The following PROB1 variants were observed in gnomAD, a reference collection of about 807,000 sequenced individuals.
PROB1 encodes the protein proline-rich basic protein 1.
For missense variants in PROB1, 1,453 were observed against 1,485.7 expected, an observed-to-expected ratio of 0.98 and a Z score of 0.36; for synonymous variants, 660 against 699.3, an observed-to-expected ratio of 0.94 and a Z score of 0.89.
At position 139,391,634 on chromosome 5, in the gene PROB1, G is replaced by T; in HGVS notation, c.*400C>A. 5.9e-6 allele frequency: 1 copy of T among 169,642 alleles called. No individual in the cohort carries two copies. Among genetic ancestry groups the T allele is most frequent in the Non-Finnish European group, 1.2e-5 (1 of 80,100 alleles). The allele number at this position is 169,642 out of a possible 1,614,324, so 10.5% of individuals were successfully genotyped here. A position where few individuals can be genotyped will look rare whatever the true frequency, so the allele number is the denominator to read the frequency against. On this transcript the variant is annotated 3_prime_UTR_variant, in exon 1 of 1. Coordinates refer to ENST00000434752, the MANE Select transcript of PROB1 (RefSeq NM_001161546.2). This position sits in a 1 kb window ranked among gnomAD's most constrained non-coding sequence, Gnocchi z 4.8. ...GGGAGGGCAGACAGTTCCCCGCCCT[G>T]TCTCCTGCTGCTCCCGTTCCTGCTG...
rs1357530888 is a variant in PROB1, at chr5:139,392,389, C to T, written c.2693G>A (p.Arg898Gln). 7 of 1,518,230 alleles carry T rather than the reference C, an allele frequency of 4.6e-6. No individual in the cohort carries two copies. In the South Asian group the frequency reaches 7.4e-5, roughly 16 times the overall value. The allele number at this position is 1,518,230 out of a possible 1,614,324, so 94.0% of individuals were successfully genotyped here. ...SGRYYFVEAP[R>Q]QPRLRVLFDP... ...GAAGAGCACCCGCAGCCGAGGCTGCCGCGGCGCCTCCACAAAGTAGTAGCG... is the reference window on the plus strand; with the variant it reads ...GAAGAGCACCCGCAGCCGAGGCTGCTGCGGCGCCTCCACAAAGTAGTAGCG... Residue 898 changes from arginine to glutamine, a missense_variant, in exon 1 of 1, where the codon CGG (arginine) becomes CAG (glutamine). By Grantham distance (43) the Arg-to-Gln change is conservative. Coordinates refer to ENST00000434752, the MANE Select transcript of PROB1 (RefSeq NM_001161546.2). This position sits in a 1 kb window ranked among gnomAD's most constrained non-coding sequence, Gnocchi z 5.8.
At position 139,393,118 on chromosome 5, in the gene PROB1, G is replaced by A. The variant is rs905253446; in HGVS notation, c.1964C>T (p.Pro655Leu). The change falls in exon 1 of 1, where the codon CCC becomes CTC. Residue 655 changes from proline (P) to leucine (L), a missense_variant. Transcript: ENST00000434752. The part of the protein sequence containing the change: ...GSGLPAPPAD[P>L]CGEEGGESKT... ...GGATTCGCCGCCCTCCTCCCCGCAG[G>A]GGTCGGCAGGAGGCGCAGGCAGCCC... 1.3e-6 allele frequency: 2 copies of A among 1,528,612 alleles called. No individual in the cohort carries two copies. Among genetic ancestry groups the A allele is most frequent in the South Asian group, 1.2e-5 (1 of 81,482 alleles). The allele number at this position is 1,528,612 out of a possible 1,614,324, so 94.7% of individuals were successfully genotyped here. A position where few individuals can be genotyped will look rare whatever the true frequency, so the allele number is the denominator to read the frequency against.
chr5:139,392,820 G>C lies in PROB1; in HGVS notation c.2262C>G (p.Arg754=). The C allele has an allele frequency of 6.6e-7, 1 of 1,518,644 alleles. No homozygotes were observed. Among genetic ancestry groups the C allele is most frequent in the Admixed American group, 2.2e-5 (1 of 46,112 alleles). The allele number at this position is 1,518,644 out of a possible 1,614,324, so 94.1% of individuals were successfully genotyped here. A position where few individuals can be genotyped will look rare whatever the true frequency, so the allele number is the denominator to read the frequency against. Residue 754 remains arginine, a synonymous_variant, in exon 1 of 1, where the codon CGC becomes CGG. Transcript: ENST00000434752. The surrounding 1 kb of genome is among the most constrained non-coding windows in gnomAD (Gnocchi z 5.8). ...RPEVTSRVRA[R]GPGGENRDVE... ...CATCCCTGTTCTCTCCTCCAGGGCC[G>C]CGCGCTCGCACTCGCGAGGTTACCT...
chr5:139,392,954 A>C lies in PROB1; in HGVS notation c.2128T>G (p.Ser710Ala). Residue 710 changes from serine to alanine, a missense_variant, in exon 1 of 1, where the codon TCA becomes GCA. Coordinates refer to ENST00000434752, the MANE Select transcript of PROB1 (RefSeq NM_001161546.2). The surrounding 1 kb of genome is among the most constrained non-coding windows in gnomAD (Gnocchi z 5.8). ...PSFDTVARDASQPNGVLRRRA... is the reference protein window; with the variant it reads ...PSFDTVARDAAQPNGVLRRRA... Reference sequence around the variant, plus strand: ...CGCCGCAGGACCCCGTTGGGCTGTGAGGCGTCCCGGGCGACCGTGTCGAAG... The same window carrying C: ...CGCCGCAGGACCCCGTTGGGCTGTGCGGCGTCCCGGGCGACCGTGTCGAAG... The C allele has an allele frequency of 1.3e-6, 2 of 1,510,234 alleles. No homozygotes were observed. The highest frequency in any genetic ancestry group is 1.8e-6 in the Non-Finnish European group (2 of 1,125,908). 93.6% of individuals were successfully genotyped at this position (1,510,234 alleles called of 1,614,324 possible).
rs1027055220 is a variant in PROB1 at position 139,392,456 on chromosome 5, C to A, written c.2626G>T (p.Ala876Ser). ...ACCAAGACCTTCCCCAGGGGCGCGG[C>A]CCCGGGCTGCCTGCGCGCTCCCTGG... ...PSQGARRQPG[A>S]APLGKVLVDP... Residue 876 changes from alanine to serine, a missense_variant, in exon 1 of 1, where the codon GCC (alanine) becomes TCC (serine). By Grantham distance (99) the Ala-to-Ser change is moderately conservative (BLOSUM62 1). Transcript: ENST00000434752. The surrounding 1 kb of genome is among the most constrained non-coding windows in gnomAD (Gnocchi z 5.8). The A allele has an allele frequency of 2.8e-6, 4 of 1,405,364 alleles. No homozygotes were observed. The highest frequency in any genetic ancestry group is 3.0e-5 in the African/African-American group (2 of 66,094). The allele number at this position is 1,405,364 out of a possible 1,614,324, so 87.1% of individuals were successfully genotyped here.
chr5:139,393,465 A>C lies in PROB1; in HGVS notation c.1617T>G (p.Asn539Lys). ...GTGCCAACTCCTCCTGAGTTAACCC[A>C]TTCTGAGCTTCCTGAGTAAATGCTA... ...SSIAFTQEAQNGLTQEELAPP... is the reference protein window; with the variant it reads ...SSIAFTQEAQKGLTQEELAPP... The change falls in exon 1 of 1, where the codon AAT becomes AAG. Residue 539 changes from asparagine (N) to lysine (K), a missense_variant. Transcript: ENST00000434752. 6.4e-7 allele frequency: 1 copy of C among 1,551,620 alleles called. No individual in the cohort carries two copies. The highest frequency in any genetic ancestry group is 1.2e-5 in the South Asian group (1 of 84,068).
Position 139,393,988 on chromosome 5 carries a change from C to A in PROB1, c.1094G>T (p.Arg365Leu). 6.4e-7 allele frequency: 1 copy of A among 1,550,620 alleles called. No homozygotes were observed. Among genetic ancestry groups the A allele is most frequent in the Non-Finnish European group, 8.7e-7 (1 of 1,146,994 alleles). Residue 365 changes from arginine (R) to leucine (L), a missense_variant, in exon 1 of 1, where the codon CGA (arginine) becomes CTA (leucine). By Grantham distance (102) the Arg-to-Leu change is moderately radical. Coordinates refer to ENST00000434752, the MANE Select transcript of PROB1 (RefSeq NM_001161546.2). ...CGGACTCCGTGCCCTCTGAACAGTT[C>A]GATCCGGCGCCTCTCGCGGGAACCG... is the stretch of plus-strand genomic sequence containing the variant. ...KTRFPREAPD[R>L]TVQRARSPPF...
Position 139,391,656 on chromosome 5 carries a change from G to C in PROB1, c.*378C>G, listed in dbSNP as rs891568619. ...CCTGTCTCCTGCTGCTCCCGTTCCT[G>C]CTGCCCCACGGCAGCCACAGCACCT... On this transcript the variant is annotated 3_prime_UTR_variant, in exon 1 of 1. Coordinates refer to ENST00000434752, the MANE Select transcript of PROB1 (RefSeq NM_001161546.2). This position sits in a 1 kb window ranked among gnomAD's most constrained non-coding sequence, Gnocchi z 4.8. 3.3e-5 allele frequency: 6 copies of C among 181,516 alleles called. No homozygotes were observed. Among genetic ancestry groups the C allele is most frequent in the African/African-American group, 1.4e-4 (6 of 42,654 alleles). 11.2% of individuals were successfully genotyped at this position (181,516 alleles called of 1,614,324 possible). A position where few individuals can be genotyped will look rare whatever the true frequency, so the allele number is the denominator to read the frequency against.
Position 139,394,028 on chromosome 5 carries a change from C to T in PROB1, c.1054G>A (p.Glu352Lys). 2 of 1,550,760 alleles carry T rather than the reference C, an allele frequency of 1.3e-6. No homozygotes were observed. Among genetic ancestry groups the T allele is most frequent in the Non-Finnish European group, 8.7e-7 (1 of 1,146,994 alleles). The change falls in exon 1 of 1, where the codon GAG becomes AAG. Residue 352 changes from glutamate (E) to lysine (K), a missense_variant. Physicochemically the swap from Glu to Lys is moderately conservative, Grantham distance 56. Transcript: ENST00000434752. ...CGCGGGAACCGAGTCTTCCGCGCCT[C>T]CTGGATCTTCTCCTCTGACTGAAGG... ...IFLQSEEKIQ[E>K]ARKTRFPREA... is the part of the protein sequence containing the mutation.
chr5:139,392,966 C>A lies in PROB1; in HGVS notation c.2116G>T (p.Ala706Ser). The A allele has an allele frequency of 6.6e-7, 1 of 1,504,028 alleles. No homozygotes were observed. Among genetic ancestry groups the A allele is most frequent in the Non-Finnish European group, 8.9e-7 (1 of 1,123,086 alleles). The allele number at this position is 1,504,028 out of a possible 1,614,324, so 93.2% of individuals were successfully genotyped here. ...EPPEPSFDTV[A>S]RDASQPNGVL... ...CCGTTGGGCTGTGAGGCGTCCCGGG[C>A]GACCGTGTCGAAGGACGGTTCAGGA... Residue 706 changes from alanine (A) to serine (S), a missense_variant, in exon 1 of 1, where the codon GCC becomes TCC. Ala to Ser is a moderately conservative substitution (Grantham distance 99, BLOSUM62 1). Coordinates refer to ENST00000434752, the MANE Select transcript of PROB1 (RefSeq NM_001161546.2). The surrounding 1 kb of genome is among the most constrained non-coding windows in gnomAD (Gnocchi z 5.8).
In PROB1 at chr5:139,391,766, A is replaced by ACACAC. The variant is rs1419120064; in HGVS notation, c.*263_*267dup. ...CGCATATACACATATACACACACCC[A>ACACAC]CACACCACACCACACCACGCCCTGG... On this transcript the variant is annotated 3_prime_UTR_variant, in exon 1 of 1. Transcript: ENST00000434752. This position sits in a 1 kb window ranked among gnomAD's most constrained non-coding sequence, Gnocchi z 4.8. 1.6e-5 allele frequency: 6 copies of ACACAC among 378,808 alleles called. No individual in the cohort carries two copies. The highest frequency in any genetic ancestry group is 6.2e-5 in the African/African-American group (3 of 48,094). 23.5% of individuals were successfully genotyped at this position (378,808 alleles called of 1,614,324 possible).
Position 139,394,102 on chromosome 5 carries a change from T to C in PROB1, c.980A>G (p.Lys327Arg). The C allele has an allele frequency of 6.5e-7, 1 of 1,549,076 alleles. No homozygotes were observed. Among genetic ancestry groups the C allele is most frequent in the Non-Finnish European group, 8.7e-7 (1 of 1,145,972 alleles). ...SLRERAIRRDKPAPGTEPLGP... is the reference protein window; with the variant it reads ...SLRERAIRRDRPAPGTEPLGP... ...CAGCGGCTCCGTCCCGGGCGCAGGC[T>C]TGTCGCGCCGAATCGCGCGCTCGCG... Residue 327 changes from lysine to arginine, a missense_variant, in exon 1 of 1, where the codon AAG becomes AGG. Coordinates refer to ENST00000434752, the MANE Select transcript of PROB1 (RefSeq NM_001161546.2).
Position 139,394,092 on chromosome 5 carries a change from G to C in PROB1, c.990C>G (p.Pro330=), listed in dbSNP as rs1427806563. 5.2e-6 allele frequency: 8 copies of C among 1,550,326 alleles called. 1 individual carries two copies. In the Admixed American group the frequency reaches 1.6e-4, roughly 30 times the overall value. ...ERAIRRDKPA[P]GTEPLGPVSS... The stretch of plus-strand genomic sequence containing the variant: ...TAACAGGACCCAGCGGCTCCGTCCC[G>C]GGCGCAGGCTTGTCGCGCCGAATCG... The change falls in exon 1 of 1, where the codon CCC becomes CCG. Residue 330 remains proline (P), a synonymous_variant. Coordinates refer to ENST00000434752, the MANE Select transcript of PROB1 (RefSeq NM_001161546.2).
In PROB1 at chr5:139,393,385, G is replaced by A. The variant is rs968264707; in HGVS notation, c.1697C>T (p.Ser566Phe). Reference sequence around the variant, plus strand: ...GGCAAGATCTGAAATTTCCCGCGTGGATGGACTCTGCATCTCTGTTGGTTC... The same window carrying A: ...GGCAAGATCTGAAATTTCCCGCGTGAATGGACTCTGCATCTCTGTTGGTTC... Reference protein sequence around the residue: ...TPEPTEMQSPSTREISDLAFG... With the variant: ...TPEPTEMQSPFTREISDLAFG... The change falls in exon 1 of 1, where the codon TCC becomes TTC. Residue 566 changes from serine (S) to phenylalanine (F), a missense_variant. Physicochemically the swap from Ser to Phe is radical, Grantham distance 155 (BLOSUM62 -2). Coordinates refer to ENST00000434752, the MANE Select transcript of PROB1 (RefSeq NM_001161546.2). The A allele has an allele frequency of 3.2e-6, 5 of 1,551,580 alleles. No homozygotes were observed. In the Admixed American group the frequency reaches 7.8e-5, roughly 24 times the overall value.
rs1484151455 is a variant in PROB1 at position 139,393,379 on chromosome 5, C to T, written c.1703G>A (p.Arg568Gln). 6.4e-7 allele frequency: 1 copy of T among 1,551,570 alleles called. No homozygotes were observed. Among genetic ancestry groups the T allele is most frequent in the South Asian group, 1.2e-5 (1 of 84,060 alleles). The change falls in exon 1 of 1, where the codon CGG (arginine) becomes CAG (glutamine). Residue 568 changes from arginine to glutamine, a missense_variant. Arg to Gln is a conservative substitution (Grantham distance 43). Transcript: ENST00000434752. ...EPTEMQSPST[R>Q]EISDLAFGGS... ...TCCAAAGGCAAGATCTGAAATTTCC[C>T]GCGTGGATGGACTCTGCATCTCTGT...
chr5:139,391,876 G>C lies in PROB1; in HGVS notation c.*158C>G, dbSNP rs1039122444. 1.2e-5 allele frequency: 7 copies of C among 597,278 alleles called. No individual in the cohort carries two copies. The highest frequency in any genetic ancestry group is 1.5e-5 in the Non-Finnish European group (6 of 402,776). The allele number at this position is 597,278 out of a possible 1,614,324, so 37.0% of individuals were successfully genotyped here. On this transcript the variant is annotated 3_prime_UTR_variant, in exon 1 of 1. Transcript: ENST00000434752. The surrounding 1 kb of genome is among the most constrained non-coding windows in gnomAD (Gnocchi z 4.8). ...GGGTGACTCCAGCTCCACCAGCCTC[G>C]GGGCTCAGATTCATTCTCTGAAGAT...
Position 139,393,997 on chromosome 5 carries a change from G to A in PROB1, c.1085C>T (p.Ala362Val), listed in dbSNP as rs780357170. The stretch of plus-strand genomic sequence containing the variant: ...TGCCCTCTGAACAGTTCGATCCGGC[G>A]CCTCTCGCGGGAACCGAGTCTTCCG... ...EARKTRFPRE[A>V]PDRTVQRARS... is the part of the protein sequence containing the mutation. Residue 362 changes from alanine to valine, a missense_variant, in exon 1 of 1, where the codon GCG (alanine) becomes GTG (valine). Transcript: ENST00000434752. The A allele has an allele frequency of 6.4e-7, 1 of 1,550,568 alleles. No homozygotes were observed. The highest frequency in any genetic ancestry group is 2.0e-5 in the Admixed American group (1 of 51,014).
rs937305971 is a variant in PROB1, at chr5:139,393,235, C to A, written c.1847G>T (p.Arg616Leu). The change falls in exon 1 of 1, where the codon CGC (arginine) becomes CTC (leucine). Residue 616 changes from arginine to leucine, a missense_variant. By Grantham distance (102) the Arg-to-Leu change is moderately radical. Coordinates refer to ENST00000434752, the MANE Select transcript of PROB1 (RefSeq NM_001161546.2). ...VLGPGEAASG[R>L]PRMAIPRPRD... The stretch of plus-strand genomic sequence containing the variant: ...AGGCCGCGGAATGGCCATGCGCGGG[C>A]GTCCCGAGGCCGCCTCTCCAGGACC... 2 of 1,548,802 alleles carry A rather than the reference C, an allele frequency of 1.3e-6. No individual in the cohort carries two copies. The highest frequency in any genetic ancestry group is 3.9e-5 in the Admixed American group (2 of 50,980).
Position 139,393,353 on chromosome 5 carries a change from C to T in PROB1, c.1729G>A (p.Gly577Arg), listed in dbSNP as rs1458172633. 1.9e-6 allele frequency: 3 copies of T among 1,551,318 alleles called. No homozygotes were observed. The highest frequency in any genetic ancestry group is 2.4e-5 in the East Asian group (1 of 40,934). ...GCTACCTCTGGGGACTGCTGACTCC[C>T]TCCAAAGGCAAGATCTGAAATTTCC... ...TREISDLAFG[G>R]SQQSPEVAAP... Residue 577 changes from glycine to arginine, a missense_variant, in exon 1 of 1, where the codon GGG (glycine) becomes AGG (arginine). Gly to Arg is a moderately radical substitution (Grantham distance 125). Transcript: ENST00000434752.
Sources: gnomAD v4.1 joint callset for allele counts on GRCh38, gnomAD v4.1.1 for gene constraint, Gnocchi (gnomAD v3.1) non-coding constraint, MANE v1.5 for transcripts, NCBI Gene and HGNC (gene_info 2026-07-23, HGNC 2026-07-21) for gene names.